The following CLCN3 variants were observed in gnomAD, a reference collection of about 807,000 sequenced individuals.
The protein encoded by CLCN3 is H(+)/Cl(-) exchange transporter 3.
Under a neutral mutation model 83.4 loss-of-function variants are expected in CLCN3, and 16 were observed. The observed-to-expected ratio is 0.19, with a 90% CI of 0.13 to 0.29. The LOEUF (loss-of-function observed/expected upper bound fraction) is 0.29. Among genes scored for constraint, CLCN3 ranks in the 10% least tolerant of loss-of-function variants. The probability of loss-of-function intolerance (pLI) is 1.00; values close to 1 mark genes in which losing one functional copy is unlikely to be tolerated. For synonymous variants in CLCN3, 322 were observed against 346.2 expected (o/e 0.93, Z 0.78); for missense variants, 544 against 1,006.0 (o/e 0.54, Z 6.21).
chr4:169,669,687 T>G (rs1333289939), intron 2 of CLCN3, among the ~76,000 whole-genome samples: 1 of 152,184 alleles, frequency 6.6e-6, no homozygotes, highest in Non-Finnish European at 1.5e-5. Flanking sequence ...CTGAAGCCAG[T>G]CACCAGTTTA....
intron 12 of CLCN3, among the ~76,000 whole-genome samples, chr4:169,713,921 T>G (rs1046241378): frequency 7.2e-5 from 11 of 152,190 alleles, no homozygotes; most frequent in African/African-American, 2.7e-4. Context: ...ACATTGATAA[T>G]TTATTTTTCC....
At chr4:169,634,965 T>C (rs1272690586) in intron 1 of CLCN3, among the ~76,000 whole-genome samples, 2 of 152,180 alleles carry the variant, frequency 1.3e-5, no homozygotes, top group African/African-American at 4.8e-5. Flanking sequence ...TTATTAAAGC[T>C]CTTTGAGGTT....
intron 2 of CLCN3, among the ~76,000 whole-genome samples, chr4:169,637,677 C>T (rs1730267011): frequency 6.6e-6 from 1 of 151,984 alleles, no homozygotes; most frequent in Non-Finnish European, 1.5e-5. Context: ...TCCCATACCT[C>T]AAGGTCACAA....
intron 2 of CLCN3, among the ~76,000 whole-genome samples, chr4:169,675,331 A>G (rs536315987): frequency 1.3e-5 from 2 of 152,342 alleles, no homozygotes; most frequent in East Asian, 1.9e-4. Context: ...AAGAATGTTT[A>G]TAGTGATTAC....
rs144459557 is a variant in CLCN3, at chr4:169,707,958, G to T, written c.2149+692G>T. ...GTTTTTCTCTTTACCTTATAGTCCC[G>T]CAGTATTGATGAGGAGACCATTAAG... On this transcript the variant is annotated intron_variant, in intron 11 of 12. Transcript: ENST00000513761. Among the ~76,000 whole-genome samples, 2 of 152,044 alleles carry T rather than the reference G, an allele frequency of 1.3e-5. 1 individual carries two copies. The highest frequency in any genetic ancestry group is 3.8e-4 in the East Asian group (2 of 5,204).
intron 2 of CLCN3, among the ~76,000 whole-genome samples, chr4:169,669,335 G>A (rs757191096): frequency 6.6e-6 from 1 of 151,974 alleles, no homozygotes; most frequent in Non-Finnish European, 1.5e-5. Context: ...TGTTTAAATT[G>A]TAGTATGTAG....
At chr4:169,705,066 G>A (rs1732938468) in intron 10 of CLCN3, among the ~76,000 whole-genome samples, 1 of 152,190 alleles carries the variant, frequency 6.6e-6, no homozygotes, top group African/African-American at 2.4e-5. Flanking sequence ...ATACAATAGT[G>A]AGGAATACTA....
intron 3 of CLCN3, 64 bp from the exon 4 acceptor site, chr4:169,687,594 G>A: frequency 2.8e-6 from 3 of 1,071,156 alleles, no homozygotes; most frequent in Non-Finnish European, 2.8e-6. Flanking sequence ...AAAATTGCTA[G>A]ATTCTAGAAC....
intron 2 of CLCN3, among the ~76,000 whole-genome samples, chr4:169,676,491 A>G (rs1285627729): frequency 6.8e-6 from 1 of 147,656 alleles, no homozygotes; most frequent in Non-Finnish European, 1.5e-5. Flanking sequence ...TGTTTTTTAC[A>G]CTCTAAACTC....
intron 3 of CLCN3, among the ~76,000 whole-genome samples, chr4:169,681,378 A>G (rs1731931298): frequency 6.6e-6 from 1 of 152,226 alleles, no homozygotes; most frequent in Non-Finnish European, 1.5e-5. Flanking sequence ...GGTGTTGGAA[A>G]TTTACTTGTC....
intron 9 of CLCN3, 99 bp from the exon 10 acceptor site, chr4:169,703,899 A>G: frequency 8.3e-7 from 1 of 1,199,072 alleles, no homozygotes; most frequent in African/African-American, 1.5e-5. Flanking sequence ...ATACAATGTG[A>G]AAAGAATCAA....
At chr4:169,640,308 C>A (rs1219850465) in intron 2 of CLCN3, among the ~76,000 whole-genome samples, 2 of 152,174 alleles carry the variant, frequency 1.3e-5, no homozygotes, top group Non-Finnish European at 2.9e-5. Flanking sequence ...AATATGACAT[C>A]TGGATTAGGA....
rs566481353 is a variant in CLCN3 at position 169,722,568 on chromosome 4, C to T, written c.*2571C>T. On this transcript the variant is annotated 3_prime_UTR_variant, in exon 13 of 13. Coordinates refer to ENST00000513761, the MANE Select transcript of CLCN3 (RefSeq NM_001829.4). ...TAGCCTTCAAAGGACAAATCGGTTT[C>T]TTTGCAGATAGCTTCGTAAAACTTC... The T allele has an allele frequency of 1.3e-5, 2 of 152,338 alleles. No homozygotes were observed. The highest frequency in any genetic ancestry group is 6.5e-5 in the Admixed American group (1 of 15,298). The allele number at this position is 152,338 out of a possible 1,614,324, so 9.4% of individuals were successfully genotyped here.
intron 10 of CLCN3, 38 bp from the exon 11 acceptor site, chr4:169,706,830 C>T (rs1733012522): frequency 1.9e-6 from 3 of 1,552,626 alleles, no homozygotes; most frequent in Non-Finnish European, 2.6e-6. Context: ...TGATGAGGAT[C>T]CTGTCCTTCC....
intron 2 of CLCN3, among the ~76,000 whole-genome samples, chr4:169,652,275 C>G (rs1473992038): frequency 1.3e-5 from 2 of 152,050 alleles, no homozygotes; most frequent in South Asian, 4.1e-4. Context: ...GTTTGCTCAT[C>G]TAGGTATGCA....
At chr4:169,629,531 C>T (rs540746155) in intron 1 of CLCN3, among the ~76,000 whole-genome samples, 5 of 152,070 alleles carry the variant, frequency 3.3e-5, no homozygotes, top group African/African-American at 7.2e-5. Context: ...CCACTATGCC[C>T]GGCTAATTTT....
At chr4:169,634,546 C>G (rs192212107) in intron 1 of CLCN3, among the ~76,000 whole-genome samples, 18 of 152,322 alleles carry the variant, frequency 1.2e-4, no homozygotes, top group African/African-American at 4.1e-4. Context: ...TTAATATACT[C>G]TAACAAATCT....
chr4:169,653,005 T>TA (rs1247345735), intron 2 of CLCN3, among the ~76,000 whole-genome samples: 1 of 152,228 alleles, frequency 6.6e-6, no homozygotes, highest in Non-Finnish European at 1.5e-5. Context: ...ATAAATGTGT[T>TA]ACAGCTATCT....
intron 12 of CLCN3, 32 bp downstream of exon 12, chr4:169,713,327 TG>T (rs1163326089): frequency 1.3e-6 from 2 of 1,506,962 alleles, no homozygotes; most frequent in African/African-American, 2.8e-5. Flanking sequence ...TCAGTTCACT[TG>T]CTAGAATATA....
Sources: gnomAD v4.1 joint callset for allele counts (sites outside exome capture counted in the v4.1 genomes callset) on GRCh38, gnomAD v4.1.1 for gene constraint, MANE v1.5 for transcripts, NCBI Gene and HGNC (gene_info 2026-07-23, HGNC 2026-07-21) for gene names.